The following NCALD variants were observed in gnomAD, a reference collection of about 807,000 sequenced individuals.
NCALD encodes neurocalcin-delta.
NCALD carries 10 observed loss-of-function variants against 18.6 expected under a neutral mutation model. That is an observed-to-expected ratio of 0.54 (90% CI 0.33 to 0.91). The LOEUF is 0.91. Among genes scored for constraint, NCALD ranks in the 40% least tolerant of loss-of-function variants. The pLI, the probability that NCALD is intolerant of heterozygous loss-of-function variation, is 0.03. For missense variants in NCALD, 184 were observed against 247.6 expected, an observed-to-expected ratio of 0.74 and a Z score of 1.72; for synonymous variants, 88 against 87.4, an observed-to-expected ratio of 1.01 and a Z score of -0.04.
chr8:101,925,841 A>G (rs1180236515), intron 2 of NCALD, among the ~76,000 whole-genome samples: 6 of 152,238 alleles, frequency 3.9e-5, no homozygotes, highest in African/African-American at 1.4e-4. Context: ...GGAATGATTG[A>G]TTGTCTGGAA....
intron 4 of NCALD, among the ~76,000 whole-genome samples, chr8:101,855,464 A>G (rs1212979393): frequency 6.6e-6 from 1 of 152,186 alleles, no homozygotes; most frequent in Non-Finnish European, 1.5e-5. Context: ...AGAGGATTTC[A>G]TGTGAGTGAG....
intron 4 of NCALD, among the ~76,000 whole-genome samples, chr8:101,848,204 G>A (rs1159195785): frequency 7.9e-5 from 12 of 152,082 alleles, no homozygotes; most frequent in Admixed American, 6.6e-4. Context: ...GTTGTAGAGA[G>A]CTCAGAGGCT....
At chr8:102,117,100 G>T (rs1257110180) in intron 1 of NCALD, among the ~76,000 whole-genome samples, 1 of 152,212 alleles carries the variant, frequency 6.6e-6, no homozygotes, top group African/African-American at 2.4e-5. Context: ...AATCCCTGGA[G>T]GAAGCACGGC....
chr8:101,887,981 G>C (rs2131491277), intron 3 of NCALD, among the ~76,000 whole-genome samples: 1 of 152,284 alleles, frequency 6.6e-6, no homozygotes, highest in East Asian at 1.9e-4. Context: ...AATGGCTGTA[G>C]CAGTTCAAGA....
chr8:101,754,005 G>T (rs1810770061), intron 1 of NCALD, among the ~76,000 whole-genome samples: 1 of 152,070 alleles, frequency 6.6e-6, no homozygotes, highest in African/African-American at 2.4e-5. Flanking sequence ...CCAACCACTG[G>T]TAAGAACCGT....
At chr8:102,085,056 C>G (rs1314352125) in intron 1 of NCALD, among the ~76,000 whole-genome samples, 2 of 152,196 alleles carry the variant, frequency 1.3e-5, no homozygotes, top group Non-Finnish European at 2.9e-5. Context: ...GCTATTCCCC[C>G]ATTCCTGCAG....
At chr8:101,907,282 G>A (rs1038711769) in intron 3 of NCALD, among the ~76,000 whole-genome samples, 2 of 152,078 alleles carry the variant, frequency 1.3e-5, no homozygotes, top group Non-Finnish European at 2.9e-5. Flanking sequence ...GCTATTTAAT[G>A]TTCCCTTTGG....
intron 1 of NCALD, among the ~76,000 whole-genome samples, chr8:101,776,324 T>A (rs879778425): frequency 6.6e-6 from 1 of 152,178 alleles, no homozygotes; most frequent in African/African-American, 2.4e-5. Context: ...CTCTAATGTG[T>A]CATTCATTCT....
chr8:101,703,297 C>G (rs370554543), intron 2 of NCALD, among the ~76,000 whole-genome samples: 1 of 152,142 alleles, frequency 6.6e-6, no homozygotes, highest in Non-Finnish European at 1.5e-5. Context: ...CTAACACTTA[C>G]TTTATTCAAC....
intron 1 of NCALD, among the ~76,000 whole-genome samples, chr8:101,762,965 T>C (rs970693143): frequency 6.6e-6 from 1 of 152,198 alleles, no homozygotes. Context: ...TGTTAGGTAC[T>C]GTTTTAGGAT....
intron 2 of NCALD, among the ~76,000 whole-genome samples, chr8:101,696,363 G>A (rs1326486876): frequency 6.6e-6 from 1 of 152,230 alleles, no homozygotes; most frequent in African/African-American, 2.4e-5. Context: ...AGAAAGAAGA[G>A]TGCATGGCTT....
At chr8:101,922,425 G>C (rs1818199682) in intron 2 of NCALD, among the ~76,000 whole-genome samples, 1 of 152,156 alleles carries the variant, frequency 6.6e-6, no homozygotes, top group African/African-American at 2.4e-5. Flanking sequence ...GAAGCACATT[G>C]AAACACATCC....
chr8:101,703,435 T>C (rs908922079), intron 2 of NCALD, among the ~76,000 whole-genome samples: 9 of 151,468 alleles, frequency 5.9e-5, no homozygotes, highest in African/African-American at 2.2e-4. Context: ...AACATCAGCA[T>C]GAGATTAGAG....
chr8:101,759,100 C>T (rs910016891), intron 1 of NCALD, among the ~76,000 whole-genome samples: 1 of 152,130 alleles, frequency 6.6e-6, no homozygotes, highest in South Asian at 2.1e-4. Context: ...GCCAAGCACA[C>T]CAGCAGAAAC....
intron 1 of NCALD, among the ~76,000 whole-genome samples, chr8:101,750,314 T>C (rs1031326652): frequency 3.3e-5 from 5 of 152,086 alleles, no homozygotes; most frequent in Non-Finnish European, 7.4e-5. Context: ...GTGGAAACAC[T>C]GGAATTTAAC....
At chr8:101,927,599 G>A (rs920068648) in intron 2 of NCALD, among the ~76,000 whole-genome samples, 2 of 152,196 alleles carry the variant, frequency 1.3e-5, no homozygotes, top group Admixed American at 6.5e-5. Context: ...GGCACGGTCC[G>A]ACATCCGCGC....
chr8:101,950,168 C>A (rs748682827), intron 2 of NCALD: 1 of 152,310 alleles, frequency 6.6e-6, no homozygotes, highest in African/African-American at 2.4e-5. Flanking sequence ...CATAAACCCA[C>A]AAGGACAAAG....
At chr8:101,848,781 T>C (rs1354086718) in intron 4 of NCALD, among the ~76,000 whole-genome samples, 1 of 152,210 alleles carries the variant, frequency 6.6e-6, no homozygotes, top group Non-Finnish European at 1.5e-5. Context: ...AATATGTTGT[T>C]CTACAACATT....
intron 4 of NCALD, among the ~76,000 whole-genome samples, chr8:101,835,298 A>G (rs73277014): frequency 0.033 from 4,961 of 152,298 alleles, 278 homozygotes; most frequent in African/African-American, 0.11. Context: ...ACTCTAGGCA[A>G]TAGTTCTCAA....
Sources: allele counts gnomAD v4.1 joint callset (sites outside exome capture counted in the v4.1 genomes callset), GRCh38; gene constraint gnomAD v4.1.1; transcripts MANE v1.5; gene names NCBI Gene and HGNC (gene_info 2026-07-23, HGNC 2026-07-21).